AGPAT3: variants seen among roughly 807,000 people sequenced by gnomAD.
AGPAT3 encodes 1-acylglycerol-3-phosphate O-acyltransferase 3.
In AGPAT3, 5 loss-of-function variants were observed where a neutral mutation model predicts 47.3. The ratio of observed to expected loss-of-function variants is 0.11; its 90% CI spans 0.06 to 0.22. AGPAT3 has a LOEUF of 0.22. Ranked by LOEUF, AGPAT3 falls within the 10% of genes least tolerant of loss-of-function variation. The probability of loss-of-function intolerance (pLI) is 1.00; values close to 1 mark genes in which losing one functional copy is unlikely to be tolerated. For missense variants in AGPAT3, 315 were observed against 493.0 expected (o/e 0.64, Z 3.42); for synonymous variants, 212 against 208.3 (o/e 1.02, Z -0.15).
chr21:43,924,016 G>GT lies in AGPAT3; in HGVS notation c.-49+20005dup, dbSNP rs1157852920. Among the ~76,000 whole-genome samples the GT allele has an allele frequency of 1.4e-4, 21 of 151,766 alleles. 1 individual carries two copies. The highest frequency in any genetic ancestry group is 2.6e-4 in the Admixed American group (4 of 15,240). On this transcript the variant is annotated intron_variant, in intron 2 of 9. Coordinates refer to ENST00000291572, the MANE Select transcript of AGPAT3 (RefSeq NM_020132.5). ...TCCCATCCTGTAGGAAATGTAAGGT[G>GT]TTTTTTTTGGTTTTTTTTGAGACGG...
At chr21:43,873,317 A>G (rs1303186076) in intron 1 of AGPAT3, among the ~76,000 whole-genome samples, 1 of 152,196 alleles carries the variant, frequency 6.6e-6, no homozygotes, top group African/African-American at 2.4e-5. Context: ...CCTCCGGAGG[A>G]TAACGCTGGG....
chr21:43,941,116 A>G (rs1444863238), intron 2 of AGPAT3, among the ~76,000 whole-genome samples: 1 of 152,220 alleles, frequency 6.6e-6, no homozygotes, highest in Non-Finnish European at 1.5e-5. Context: ...GGGGACCCAA[A>G]AACCCCAAGT....
intron 2 of AGPAT3, among the ~76,000 whole-genome samples, chr21:43,927,881 G>A (rs957862806): frequency 1.2e-4 from 18 of 152,216 alleles, no homozygotes; most frequent in African/African-American, 4.1e-4. Context: ...TGGTGAGGGC[G>A]ACCGACGTGC....
chr21:43,975,985 C>CT (rs112906148), intron 7 of AGPAT3, among the ~76,000 whole-genome samples: 11,728 of 140,500 alleles, frequency 0.083, 1,264 homozygotes, highest in African/African-American at 0.25. Context: ...TTTTCTTTTC[C>CT]TTTTTTTTTT....
chr21:43,958,704 T>C (rs904056398), intron 2 of AGPAT3, among the ~76,000 whole-genome samples: 8 of 150,522 alleles, frequency 5.3e-5, no homozygotes, highest in African/African-American at 1.5e-4. Context: ...ATGTGGCATA[T>C]GTGTGGTTTG....
chr21:43,940,982 T>C (rs1341128057), intron 2 of AGPAT3, among the ~76,000 whole-genome samples: 1 of 152,176 alleles, frequency 6.6e-6, no homozygotes, highest in East Asian at 1.9e-4. Flanking sequence ...CCAGTGCTCG[T>C]TGGTAAAACG....
chr21:43,980,255 G>C (rs2089792772), intron 8 of AGPAT3, among the ~76,000 whole-genome samples: 1 of 138,810 alleles, frequency 7.2e-6, no homozygotes, highest in East Asian at 2.1e-4. Flanking sequence ...CAGCCTGGGC[G>C]ACAGAGTGAG....
At chr21:43,926,885 C>T (rs892747285) in intron 2 of AGPAT3, among the ~76,000 whole-genome samples, 12 of 148,598 alleles carry the variant, frequency 8.1e-5, no homozygotes, top group Admixed American at 2.7e-4. Context: ...TGCTTGAACC[C>T]GGAGAATTGC....
At chr21:43,963,112 A>G (rs1354559276) in intron 3 of AGPAT3, among the ~76,000 whole-genome samples, 1 of 152,244 alleles carries the variant, frequency 6.6e-6, no homozygotes, top group African/African-American at 2.4e-5. Context: ...GACACAGTTA[A>G]TGAGAGAATG....
Position 43,969,133 on chromosome 21 carries a change from G to A in AGPAT3, c.364G>A (p.Ala122Thr), listed in dbSNP as rs571271192. Residue 122 changes from alanine to threonine, a missense_variant, in exon 5 of 10, where the codon GCT becomes ACT. Transcript: ENST00000291572. Reference protein sequence around the residue: ...FGVLGSSKVLAKKELLYVPLI... With the variant: ...FGVLGSSKVLTKKELLYVPLI... ...CTCCCTCCAGAGCTCCAAGGTCCTCGCTAAGAAGGAGCTGCTCTACGTGCC... is the reference window on the plus strand; with the variant it reads ...CTCCCTCCAGAGCTCCAAGGTCCTCACTAAGAAGGAGCTGCTCTACGTGCC... 7.4e-6 allele frequency: 12 copies of A among 1,614,154 alleles called. No individual in the cohort carries two copies. The highest frequency in any genetic ancestry group is 1.1e-5 in the South Asian group (1 of 91,086).
chr21:43,954,039 G>A lies in AGPAT3; in HGVS notation c.-48-5595G>A, dbSNP rs956754355. 5.3e-5 allele frequency among the ~76,000 whole-genome samples: 8 copies of A among 152,212 alleles called. No individual in the cohort carries two copies. Among genetic ancestry groups the A allele is most frequent in the Admixed American group, 2.0e-4 (3 of 15,288 alleles). On this transcript the variant is annotated intron_variant, in intron 2 of 9. Coordinates refer to ENST00000291572, the MANE Select transcript of AGPAT3 (RefSeq NM_020132.5). This position sits in a 1 kb window ranked among gnomAD's most constrained non-coding sequence, Gnocchi z 4.0. ...AAAAATAAAAAATAAAAATGTAGAC[G>A]TCAACTTCACATTGTCTGGGGATGC... is the stretch of plus-strand genomic sequence containing the variant.
chr21:43,896,991 G>A (rs1427891345), intron 1 of AGPAT3, among the ~76,000 whole-genome samples: 1 of 135,386 alleles, frequency 7.4e-6, no homozygotes, highest in Admixed American at 7.6e-5. Flanking sequence ...ATCATTCTTG[G>A]GTGTTTCTTG....
Position 43,907,195 on chromosome 21 carries a change from G to A in AGPAT3, c.-49+3176G>A, listed in dbSNP as rs1330911911. Reference sequence around the variant, plus strand: ...CCACGGGCATGGGCCACCACACGCGGCTTTTTTATTTTTTGTAGAGACCGG... The same window carrying A: ...CCACGGGCATGGGCCACCACACGCGACTTTTTTATTTTTTGTAGAGACCGG... On this transcript the variant is annotated intron_variant, in intron 2 of 9. Coordinates refer to ENST00000291572, the MANE Select transcript of AGPAT3 (RefSeq NM_020132.5). Among the ~76,000 whole-genome samples the A allele has an allele frequency of 3.9e-5, 6 of 152,028 alleles. No individual in the cohort carries two copies. The East Asian group carries it at 9.7e-4, about 25-fold the overall frequency.
chr21:43,954,119 A>G lies in AGPAT3; in HGVS notation c.-48-5515A>G, dbSNP rs554887052. Among the ~76,000 whole-genome samples, 516 of 152,378 alleles carry G rather than the reference A, an allele frequency of 3.4e-3. 6 individuals are homozygous for G. The highest frequency in any genetic ancestry group is 0.012 in the African/African-American group (493 of 41,598). ...TCACGAGCAAATGCTCTAGGGGGCC[A>G]CTGAGTCCAGGCCCCTCCCAATGCT... is the stretch of plus-strand genomic sequence containing the variant. On this transcript the variant is annotated intron_variant, in intron 2 of 9. Coordinates refer to ENST00000291572, the MANE Select transcript of AGPAT3 (RefSeq NM_020132.5). The surrounding 1 kb of genome is among the most constrained non-coding windows in gnomAD (Gnocchi z 4.0).
At chr21:43,879,896 G>A (rs944449194) in intron 1 of AGPAT3, among the ~76,000 whole-genome samples, 3 of 152,174 alleles carry the variant, frequency 2.0e-5, no homozygotes, top group African/African-American at 7.2e-5. Flanking sequence ...CTGGGCACCT[G>A]GTACTCTTGC....
chr21:43,959,888 G>A (rs765721345), intron 3 of AGPAT3, 29 bp downstream of exon 3: 41 of 1,578,660 alleles, frequency 2.6e-5, no homozygotes, highest in Middle Eastern at 3.4e-4. Flanking sequence ...AGTCCCTGCC[G>A]CCTGGGGCTC....
In AGPAT3 at chr21:43,883,579, C is replaced by T. The variant is rs1231400724; in HGVS notation, c.-112+18234C>T. Among the ~76,000 whole-genome samples, 3 of 152,040 alleles carry T rather than the reference C, an allele frequency of 2.0e-5. No homozygotes were observed. The East Asian group carries it at 5.8e-4, about 29-fold the overall frequency. ...TGGGTATTTTCTTCTGGTCAGTATT[C>T]CGTTTTTTTGTTTTGTTTTGTTTTT... On this transcript the variant is annotated intron_variant, in intron 1 of 9. Transcript: ENST00000291572.
chr21:43,937,049 G>A (rs2087472654), intron 2 of AGPAT3, among the ~76,000 whole-genome samples: 1 of 152,174 alleles, frequency 6.6e-6, no homozygotes, highest in Non-Finnish European at 1.5e-5. Context: ...TTCACGTACT[G>A]TTCTGAATGG....
At chr21:43,887,184 T>C (rs947513906) in intron 1 of AGPAT3, among the ~76,000 whole-genome samples, 13 of 152,362 alleles carry the variant, frequency 8.5e-5, no homozygotes, top group Middle Eastern at 3.4e-3. Context: ...TAGTACTGGC[T>C]GTCACTCCAT....
Sources: allele counts gnomAD v4.1 joint callset (sites outside exome capture counted in the v4.1 genomes callset), GRCh38; gene constraint gnomAD v4.1.1; non-coding constraint Gnocchi (gnomAD v3.1); transcripts MANE v1.5; gene names NCBI Gene and HGNC (gene_info 2026-07-23, HGNC 2026-07-21).